Variants in RIN3 observed in about 807,000 individuals in gnomAD.
RIN3 encodes RAB5 interacting protein 3.
A neutral mutation model predicts 76.3 loss-of-function variants in RIN3; 54 were observed. That is an observed-to-expected ratio of 0.71 (90% confidence interval 0.57 to 0.89). The LOEUF (loss-of-function observed/expected upper bound fraction) is 0.89, where lower values mean the gene tolerates loss of function less well. Among genes scored for constraint, RIN3 ranks in the 40% least tolerant of loss-of-function variants. RIN3 has a pLI of 0.00. For synonymous variants in RIN3, 576 were observed against 564.0 expected, an observed-to-expected ratio of 1.02 and a Z score of -0.30; for missense variants, 1,256 against 1,322.1, an observed-to-expected ratio of 0.95 and a Z score of 0.78.
rs886631096 is a variant in RIN3, at chr14:92,544,748, A to G, written c.45-11003A>G. ...TTAAATATCAAGTTTAGAGAAGTCT[A>G]GAGAACAACATTGCAATGCCCTATG... On this transcript the variant is annotated intron_variant, in intron 1 of 9. Coordinates refer to ENST00000216487, the MANE Select transcript of RIN3 (RefSeq NM_024832.5). Among the ~76,000 whole-genome samples the G allele has an allele frequency of 2.0e-5, 3 of 152,238 alleles. No individual in the cohort carries two copies. The East Asian group carries it at 5.8e-4, about 29-fold the overall frequency.
chr14:92,683,652 T>G (rs6575278), intron 8 of RIN3, among the ~76,000 whole-genome samples: 104,503 of 151,960 alleles, frequency 0.69, 36,362 homozygotes, highest in East Asian at 0.8. Flanking sequence ...GCTAGACCCC[T>G]TCTCTATAGA....
intron 1 of RIN3, among the ~76,000 whole-genome samples, chr14:92,553,802 A>T (rs544827978): frequency 6.6e-6 from 1 of 152,058 alleles, no homozygotes; most frequent in South Asian, 2.1e-4. Flanking sequence ...AGTTCTCTCG[A>T]AAACCACTGC....
At chr14:92,672,233 C>T (rs1362148770) in intron 7 of RIN3, among the ~76,000 whole-genome samples, 2 of 151,788 alleles carry the variant, frequency 1.3e-5, no homozygotes, top group Non-Finnish European at 2.9e-5. Flanking sequence ...TGGCAAAATC[C>T]CATCTCTACT....
intron 1 of RIN3, among the ~76,000 whole-genome samples, chr14:92,555,519 A>C (rs1363607856): frequency 6.6e-6 from 1 of 152,152 alleles, no homozygotes; most frequent in Non-Finnish European, 1.5e-5. Flanking sequence ...GATTCCAGAA[A>C]AGGAGGAACA....
rs1025183396 is a variant in RIN3, at chr14:92,653,147, CA to C, written c.2026+76del. On this transcript the variant is annotated intron_variant, in intron 6 of 9. Transcript: ENST00000216487. ...TCACAGACTCAGGAACCCCTTAGGACAAAAGAGGCCTATGCAGTGGACGCTG... is the reference window on the plus strand; with the variant it reads ...TCACAGACTCAGGAACCCCTTAGGACAAAGAGGCCTATGCAGTGGACGCTG... The C allele has an allele frequency of 1.8e-5, 26 of 1,462,182 alleles. No homozygotes were observed. The African/African-American group carries it at 3.7e-4, about 21-fold the overall frequency. 90.6% of individuals were successfully genotyped at this position (1,462,182 alleles called of 1,614,324 possible).
chr14:92,673,489 C>G (rs928903470), intron 7 of RIN3, among the ~76,000 whole-genome samples: 1 of 150,602 alleles, frequency 6.6e-6, no homozygotes, highest in Admixed American at 6.6e-5. Flanking sequence ...AAAGAAAAGC[C>G]ATGATGAACA....
At chr14:92,544,046 A>G (rs1384380081) in intron 1 of RIN3, among the ~76,000 whole-genome samples, 3 of 151,780 alleles carry the variant, frequency 2.0e-5, no homozygotes, top group Non-Finnish European at 4.4e-5. Context: ...AGTAGTTACC[A>G]TTTGCTAAAA....
chr14:92,523,025 G>A (rs1896640500), intron 1 of RIN3, among the ~76,000 whole-genome samples: 1 of 152,160 alleles, frequency 6.6e-6, no homozygotes, highest in Admixed American at 6.5e-5. Flanking sequence ...TATAGTAAGG[G>A]TCCCAAACAT....
chr14:92,570,499 C>T (rs1238201798), intron 2 of RIN3, among the ~76,000 whole-genome samples: 1 of 152,030 alleles, frequency 6.6e-6, no homozygotes, highest in Non-Finnish European at 1.5e-5. Context: ...CCCATCTCCA[C>T]AAAAATATAA....
chr14:92,674,761 C>T (rs7158727), intron 7 of RIN3, among the ~76,000 whole-genome samples: 44,266 of 151,022 alleles, frequency 0.29, 7,167 homozygotes, highest in Non-Finnish European at 0.36. Context: ...TGGCAGCGCA[C>T]GCCTGTAATC....
At chr14:92,535,713 C>T (rs867993768) in intron 1 of RIN3, among the ~76,000 whole-genome samples, 10 of 137,246 alleles carry the variant, frequency 7.3e-5, no homozygotes, top group South Asian at 2.3e-4. Context: ...CTTGCTCTGT[C>T]GCCTAGGCTG....
intron 4 of RIN3, among the ~76,000 whole-genome samples, chr14:92,618,753 T>C (rs1046078920): frequency 2.6e-5 from 4 of 151,922 alleles, no homozygotes; most frequent in African/African-American, 4.8e-5. Flanking sequence ...CAAACATTGG[T>C]TATAAACAAT....
At chr14:92,686,777 G>T (rs1888872000) in intron 9 of RIN3, 1 of 153,016 alleles carries the variant, frequency 6.5e-6, no homozygotes, top group South Asian at 2.1e-4. Flanking sequence ...ATGCCTTGGG[G>T]GGTGGGCACC....
intron 3 of RIN3, among the ~76,000 whole-genome samples, chr14:92,583,887 A>G (rs1384309656): frequency 6.6e-6 from 1 of 152,116 alleles, no homozygotes; most frequent in African/African-American, 2.4e-5. Flanking sequence ...TGCAACCGGG[A>G]TCCCTTCCAT....
intron 2 of RIN3, among the ~76,000 whole-genome samples, chr14:92,556,962 C>A (rs975899928): frequency 1.3e-5 from 2 of 152,108 alleles, no homozygotes; most frequent in Non-Finnish European, 2.9e-5. Context: ...GGTACAACCA[C>A]CACCTCTATC....
intron 3 of RIN3, 83 bp from the exon 4 acceptor site, chr14:92,615,324 C>T (rs537099651): frequency 4.0e-5 from 47 of 1,172,880 alleles, no homozygotes; most frequent in African/African-American, 1.1e-4. Context: ...ACACGCCCCC[C>T]GACCCCATCC....
intron 1 of RIN3, among the ~76,000 whole-genome samples, chr14:92,533,744 A>G (rs893510244): frequency 1.3e-5 from 2 of 152,184 alleles, no homozygotes. Flanking sequence ...GTGAGGAATA[A>G]AAGGCTACAA....
At chr14:92,610,693 G>T (rs139599796) in intron 3 of RIN3, among the ~76,000 whole-genome samples, 2,723 of 152,294 alleles carry the variant, frequency 0.018, 44 homozygotes, top group Non-Finnish European at 0.027. Flanking sequence ...GAGCTGCAGG[G>T]ATTCTCTGTG....
intron 4 of RIN3, chr14:92,615,767 G>A (rs1054883701): frequency 5.9e-5 from 23 of 392,770 alleles, no homozygotes; most frequent in African/African-American, 2.2e-4. Flanking sequence ...GGAGTCCTGC[G>A]TGGACCAGGC....
Sources: gnomAD v4.1 joint callset for allele counts (sites outside exome capture counted in the v4.1 genomes callset) on GRCh38, gnomAD v4.1.1 for gene constraint, MANE v1.5 for transcripts, NCBI Gene and HGNC (gene_info 2026-07-23, HGNC 2026-07-21) for gene names.